Variants in LRRIQ1 observed in about 807,000 individuals in gnomAD.
LRRIQ1 encodes the protein leucine-rich repeat- and IQ domain-containing protein 1.
LRRIQ1 carries 210 observed loss-of-function variants against 211.9 expected under a neutral mutation model. That is an observed-to-expected ratio of 0.99 (90% CI 0.89 to 1.11). LRRIQ1 has a LOEUF of 1.11. Among genes scored for constraint, LRRIQ1 ranks in the 50% most tolerant of loss-of-function variants. LRRIQ1 has a pLI of 0.00. For missense variants in LRRIQ1, 2,136 were observed against 1,939.5 expected (o/e 1.10, Z -1.90); for synonymous variants, 699 against 650.1 (o/e 1.08, Z -1.14).
At chr12:85,238,383 G>A (rs1338089461) in intron 26 of LRRIQ1, among the ~76,000 whole-genome samples, 3 of 151,824 alleles carry the variant, frequency 2.0e-5, no homozygotes, top group African/African-American at 7.3e-5. Flanking sequence ...TGAGAAATAC[G>A]AGAAAACAGA....
In LRRIQ1 at chr12:85,262,977, G is replaced by T; in HGVS notation, c.184G>T (p.Glu62Ter). 3 of 987,510 alleles carry T rather than the reference G, an allele frequency of 3.0e-6. No homozygotes were observed. The highest frequency in any genetic ancestry group is 2.4e-6 in the Non-Finnish European group (2 of 829,698). 61.2% of individuals were successfully genotyped at this position (987,510 alleles called of 1,614,324 possible). A position where few individuals can be genotyped will look rare whatever the true frequency, so the allele number is the denominator to read the frequency against. The change falls in exon 2 of 2, where the codon GAA (glutamate) becomes TAA (stop). Residue 62 changes from glutamate (E) to a stop codon, truncating the protein, a stop_gained. Transcript: ENST00000602731. LOFTEE classifies it high-confidence loss of function. ...AACAAATACAAGACCTTCTAAAAAA[G>T]AACGTATATCATTCCGAGACAATCC... is the stretch of plus-strand genomic sequence containing the variant.
At chr12:85,169,313 A>G (rs1891299058) in intron 24 of LRRIQ1, among the ~76,000 whole-genome samples, 1 of 152,178 alleles carries the variant, frequency 6.6e-6, no homozygotes, top group African/African-American at 2.4e-5. Context: ...AGAGTCAGTA[A>G]CAAAACTAAA....
At chr12:85,242,737 C>T (rs963468748) in intron 26 of LRRIQ1, among the ~76,000 whole-genome samples, 9 of 151,892 alleles carry the variant, frequency 5.9e-5, no homozygotes, top group Admixed American at 3.3e-4. Context: ...ATTTAACTAG[C>T]CCATTTATGA....
intron 12 of LRRIQ1, 144 bp from the exon 13 acceptor site, chr12:85,098,723 A>T (rs1886113376): frequency 1.5e-6 from 1 of 687,620 alleles, no homozygotes; most frequent in Admixed American, 3.6e-5. Context: ...AATTTTATTC[A>T]TATTTAAAAA....
chr12:85,198,012 ATATTATAT>A (rs1565898611), intron 24 of LRRIQ1, among the ~76,000 whole-genome samples: 2 of 59,606 alleles, frequency 3.4e-5, no homozygotes, highest in East Asian at 3.4e-4. Flanking sequence ...CATATATAAT[ATATTATAT>A]TATTATATAT....
At chr12:85,074,973 A>G (rs1264096871) in intron 11 of LRRIQ1, among the ~76,000 whole-genome samples, 2 of 152,104 alleles carry the variant, frequency 1.3e-5, no homozygotes, top group Non-Finnish European at 2.9e-5. Flanking sequence ...GAAAATTTTG[A>G]AACTAAATTA....
At chr12:85,088,389 A>G (rs2136213101) in intron 11 of LRRIQ1, among the ~76,000 whole-genome samples, 1 of 152,284 alleles carries the variant, frequency 6.6e-6, no homozygotes, top group Middle Eastern at 3.4e-3. Context: ...TGATGCCTCC[A>G]GCTTTGTTCT....
intron 24 of LRRIQ1, among the ~76,000 whole-genome samples, chr12:85,168,616 A>G (rs1380889489): frequency 6.6e-6 from 1 of 152,118 alleles, no homozygotes; most frequent in Non-Finnish European, 1.5e-5. Flanking sequence ...GAGTGGTGCC[A>G]CTTCCAATTC....
At chr12:85,103,794 C>T (rs544955292) in intron 13 of LRRIQ1, among the ~76,000 whole-genome samples, 17 of 151,446 alleles carry the variant, frequency 1.1e-4, no homozygotes, top group South Asian at 1.0e-3. Context: ...ATCATAAATA[C>T]GTAGAAGTCT....
intron 11 of LRRIQ1, among the ~76,000 whole-genome samples, chr12:85,074,088 G>A (rs532268770): frequency 6.6e-6 from 1 of 152,034 alleles, no homozygotes; most frequent in African/African-American, 2.4e-5. Context: ...AATATGTAAT[G>A]TTAACTGTAT....
chr12:85,065,387 T>TA lies in LRRIQ1; in HGVS notation c.2523dup (p.Leu842ThrfsTer2). On this transcript the variant is annotated frameshift_variant, in exon 9 of 27. Coordinates refer to ENST00000393217, the MANE Select transcript of LRRIQ1 (RefSeq NM_001079910.2). LOFTEE classifies it high-confidence loss of function. Reference sequence around the variant, plus strand: ...CTTCTTTGCACAGCCTGAGTAATTGTAAAAAACTTAAGTACATTGATGCAC... The same window carrying TA: ...CTTCTTTGCACAGCCTGAGTAATTGTAAAAAAACTTAAGTACATTGATGCAC... The TA allele has an allele frequency of 6.2e-7, 1 of 1,609,566 alleles. No individual in the cohort carries two copies. Among genetic ancestry groups the TA allele is most frequent in the Non-Finnish European group, 8.5e-7 (1 of 1,177,280 alleles).
rs143471856 is a variant in LRRIQ1 at position 85,112,882 on chromosome 12, C to A, written c.3377+6267C>A. Among the ~76,000 whole-genome samples, 570 of 152,234 alleles carry A rather than the reference C, an allele frequency of 3.7e-3. 5 individuals are homozygous for A. Among genetic ancestry groups the A allele is most frequent in the African/African-American group, 0.013 (531 of 41,558 alleles). ...CCTGTTCTCCCGAATGTCTGGATGG[C>A]TTTTCTTGCCTCTTATTTAATTTAT... On this transcript the variant is annotated intron_variant, in intron 15 of 26. Transcript: ENST00000393217.
intron 26 of LRRIQ1, among the ~76,000 whole-genome samples, chr12:85,238,429 C>A (rs1421559886): frequency 1.3e-5 from 2 of 151,894 alleles, no homozygotes; most frequent in African/African-American, 4.8e-5. Context: ...CACCTATGCA[C>A]CTCATAATCA....
intron 19 of LRRIQ1, among the ~76,000 whole-genome samples, chr12:85,145,144 C>T (rs2136615561): frequency 6.6e-6 from 1 of 151,554 alleles, no homozygotes; most frequent in African/African-American, 2.4e-5. Context: ...GCCAACAATG[C>T]TTACAATATG....
chr12:85,208,555 A>G (rs1488854591), intron 24 of LRRIQ1, among the ~76,000 whole-genome samples: 1 of 152,190 alleles, frequency 6.6e-6, no homozygotes, highest in African/African-American at 2.4e-5. Context: ...CATCAGATAC[A>G]GAATATGAAA....
intron 24 of LRRIQ1, among the ~76,000 whole-genome samples, chr12:85,204,157 C>A (rs1007568357): frequency 7.2e-5 from 11 of 152,162 alleles, no homozygotes; most frequent in Admixed American, 6.5e-4. Flanking sequence ...ATGGTGCAAG[C>A]CCCAAACCTT....
chr12:85,140,321 C>A (rs1220172165), intron 19 of LRRIQ1, among the ~76,000 whole-genome samples: 1 of 151,038 alleles, frequency 6.6e-6, no homozygotes, highest in Non-Finnish European at 1.5e-5. Context: ...ATATTCAAAG[C>A]GTTTTGGAAT....
chr12:85,223,201 G>A (rs1405430454), intron 24 of LRRIQ1, among the ~76,000 whole-genome samples: 1 of 152,152 alleles, frequency 6.6e-6, no homozygotes, highest in Non-Finnish European at 1.5e-5. Flanking sequence ...GTTAGTTCAT[G>A]AGATAAGAAA....
intron 14 of LRRIQ1, among the ~76,000 whole-genome samples, chr12:85,105,544 A>G (rs1438858098): frequency 1.3e-5 from 2 of 151,862 alleles, no homozygotes; most frequent in Non-Finnish European, 2.9e-5. Flanking sequence ...TCTCATAACT[A>G]TGGCTTATGT....
Sources: gnomAD v4.1 joint callset for allele counts (sites outside exome capture counted in the v4.1 genomes callset) on GRCh38, gnomAD v4.1.1 for gene constraint, MANE v1.5 for transcripts, NCBI Gene and HGNC (gene_info 2026-07-23, HGNC 2026-07-21) for gene names.